The following MSH4 variants were observed in gnomAD, a reference collection of about 807,000 sequenced individuals.
The protein encoded by MSH4 is mutS protein homolog 4.
Under a neutral mutation model 113.7 loss-of-function variants are expected in MSH4, and 106 were observed. The ratio of observed to expected loss-of-function variants is 0.93; its 90% CI spans 0.80 to 1.10. The LOEUF is 1.10. MSH4 is among the 50% of genes least tolerant of loss of function. The pLI, the probability that MSH4 is intolerant of heterozygous loss-of-function variation, is 0.00. For synonymous variants in MSH4, 368 were observed against 380.2 expected (o/e 0.97, Z 0.37); for missense variants, 1,061 against 1,093.7 (o/e 0.97, Z 0.42).
intron 15 of MSH4, 59 bp downstream of exon 15, chr1:75,883,880 C>G: frequency 6.8e-7 from 1 of 1,470,792 alleles, no homozygotes; most frequent in Middle Eastern, 2.1e-4. Context: ...ATGCTTTGTG[C>G]CTAATTTTTT....
chr1:75,837,386 CTTTTTT>C (rs34812368), intron 7 of MSH4, among the ~76,000 whole-genome samples: 3 of 106,622 alleles, frequency 2.8e-5, no homozygotes, highest in Admixed American at 1.1e-4. Context: ...AAATTGTGCC[CTTTTTT>C]TTTTTTTTTT....
At chr1:75,885,941 A>G (rs1320372214) in intron 15 of MSH4, among the ~76,000 whole-genome samples, 9 of 119,490 alleles carry the variant, frequency 7.5e-5, no homozygotes, top group African/African-American at 1.9e-4. Context: ...TATATAACAT[A>G]TATAATATAT....
intron 7 of MSH4, among the ~76,000 whole-genome samples, chr1:75,841,580 A>C (rs1357910896): frequency 1.3e-5 from 2 of 152,204 alleles, no homozygotes; most frequent in African/African-American, 2.4e-5. Flanking sequence ...GGGGAATGGC[A>C]GGAAATGAGG....
In MSH4 at chr1:75,816,586, T is replaced by C. The variant is rs372776529; in HGVS notation, c.989+40T>C. 5 of 1,156,250 alleles carry C rather than the reference T, an allele frequency of 4.3e-6. No individual in the cohort carries two copies. In the African/African-American group the frequency reaches 8.1e-5, roughly 19 times the overall value. The allele number at this position is 1,156,250 out of a possible 1,614,324, so 71.6% of individuals were successfully genotyped here. A position where few individuals can be genotyped will look rare whatever the true frequency, so the allele number is the denominator to read the frequency against. ...TTTATTTGTATAAAATATATCGGTA[T>C]ATATATATTTTTCTATTAATGGTAA... is the stretch of plus-strand genomic sequence containing the variant. On this transcript the variant is annotated intron_variant, in intron 6 of 19. Coordinates refer to ENST00000263187, the MANE Select transcript of MSH4 (RefSeq NM_002440.4).
At chr1:75,854,855 G>C (rs1651281016) in intron 8 of MSH4, among the ~76,000 whole-genome samples, 1 of 152,064 alleles carries the variant, frequency 6.6e-6, no homozygotes, top group South Asian at 2.1e-4. Context: ...AAGTACCACA[G>C]TTAATGTTTA....
chr1:75,850,755 C>T (rs1309636327), intron 8 of MSH4, among the ~76,000 whole-genome samples: 1 of 151,808 alleles, frequency 6.6e-6, no homozygotes, highest in African/African-American at 2.4e-5. Flanking sequence ...TCTATTTGTT[C>T]TATCAGTTAT....
intron 17 of MSH4, among the ~76,000 whole-genome samples, chr1:75,893,412 G>C (rs189549351): frequency 6.6e-6 from 1 of 152,130 alleles, no homozygotes; most frequent in Non-Finnish European, 1.5e-5. Flanking sequence ...GGAAGGAATG[G>C]GAGACTACCA....
rs577402842 is a variant in MSH4, at chr1:75,815,966, C to A, written c.816-407C>A. ...GAGGTTGCAGTGAGCCGAGATCACA[C>A]CACTGTACCCCAGCCTGGTTGACAG... On this transcript the variant is annotated intron_variant, in intron 5 of 19. Transcript: ENST00000263187. Among the ~76,000 whole-genome samples the A allele has an allele frequency of 3.3e-5, 5 of 152,234 alleles. No homozygotes were observed. In the South Asian group the frequency reaches 1.0e-3, roughly 32 times the overall value.
chr1:75,833,351 C>T (rs992154349), intron 7 of MSH4, among the ~76,000 whole-genome samples: 6 of 152,158 alleles, frequency 3.9e-5, no homozygotes, highest in African/African-American at 1.4e-4. Flanking sequence ...GTGAAAATTG[C>T]CATACTGCCC....
chr1:75,817,790 T>C (rs550374767), intron 6 of MSH4, among the ~76,000 whole-genome samples: 1 of 26,800 alleles, frequency 3.7e-5, no homozygotes, highest in South Asian at 1.7e-3. Flanking sequence ...TAGAAATAAG[T>C]TCTCAAAAAA....
At chr1:75,869,079 T>G (rs1043654924) in intron 9 of MSH4, among the ~76,000 whole-genome samples, 1 of 152,166 alleles carries the variant, frequency 6.6e-6, no homozygotes, top group African/African-American at 2.4e-5. Context: ...TCCTAGAGAC[T>G]TGCTGAATGG....
At chr1:75,901,488 A>G (rs1156597302) in intron 19 of MSH4, among the ~76,000 whole-genome samples, 2 of 151,904 alleles carry the variant, frequency 1.3e-5, no homozygotes, top group Admixed American at 6.6e-5. Flanking sequence ...CAAGGATTTC[A>G]TTTCTTTCTT....
intron 8 of MSH4, among the ~76,000 whole-genome samples, chr1:75,861,523 T>C (rs1438889436): frequency 6.6e-6 from 1 of 152,204 alleles, no homozygotes; most frequent in Non-Finnish European, 1.5e-5. Context: ...GACAGGCCAC[T>C]CAGCTGCAGG....
intron 8 of MSH4, among the ~76,000 whole-genome samples, chr1:75,850,015 G>A (rs1651152880): frequency 6.6e-6 from 1 of 152,076 alleles, no homozygotes; most frequent in Non-Finnish European, 1.5e-5. Context: ...AATTGGCAGT[G>A]ATACACTCTC....
intron 6 of MSH4, among the ~76,000 whole-genome samples, chr1:75,817,494 C>T (rs1469662369): frequency 6.6e-6 from 1 of 152,184 alleles, no homozygotes; most frequent in African/African-American, 2.4e-5. Flanking sequence ...CACACTTTAT[C>T]ATTGTCAAAC....
chr1:75,805,395 T>G (rs74566748), intron 2 of MSH4, among the ~76,000 whole-genome samples: 1 of 151,454 alleles, frequency 6.6e-6, no homozygotes, highest in African/African-American at 2.4e-5. Context: ...TTTTTTTTTT[T>G]TTTGGTTTTT....
chr1:75,878,922 CAG>C (rs1189511270), intron 11 of MSH4, 68 bp from the exon 12 acceptor site: 13 of 1,317,232 alleles, frequency 9.9e-6, no homozygotes, highest in African/African-American at 3.0e-5. Flanking sequence ...CTCTTTAAAA[CAG>C]AGTGATTTTT....
intron 7 of MSH4, among the ~76,000 whole-genome samples, chr1:75,827,950 G>A (rs1191420087): frequency 1.3e-5 from 2 of 152,084 alleles, no homozygotes; most frequent in Admixed American, 6.6e-5. Context: ...AATTTAATGG[G>A]CACATTAGTT....
At chr1:75,898,689 T>C (rs764370003) in intron 18 of MSH4, among the ~76,000 whole-genome samples, 2 of 152,126 alleles carry the variant, frequency 1.3e-5, no homozygotes, top group African/African-American at 4.8e-5. Context: ...CAGCTAGATA[T>C]TCTTCAACTT....
Sources: gnomAD v4.1 joint callset for allele counts (sites outside exome capture counted in the v4.1 genomes callset) on GRCh38, gnomAD v4.1.1 for gene constraint, MANE v1.5 for transcripts, NCBI Gene and HGNC (gene_info 2026-07-23, HGNC 2026-07-21) for gene names.